ENO4: variants seen among roughly 807,000 people sequenced by gnomAD.
ENO4 encodes the protein enolase 4.
Under a neutral mutation model 63.2 loss-of-function variants are expected in ENO4, and 53 were observed. That is an observed-to-expected ratio of 0.84 (90% CI 0.67 to 1.05). The LOEUF is 1.05. ENO4 is among the 50% of genes least tolerant of loss of function. The pLI is 0.00. For missense variants in ENO4, 719 were observed against 772.0 expected (o/e 0.93, Z 0.81); for synonymous variants, 266 against 283.8 (o/e 0.94, Z 0.63).
At position 116,876,269 on chromosome 10, in the gene ENO4, A is replaced by C; in HGVS notation, c.1537+9A>C. ...AACCAATCTGATTGACAGTGAGTAA[A>C]AGCATACATCTGAAAGACTCGTAAT... On this transcript the variant is annotated intron_variant, in intron 11 of 13. Coordinates refer to ENST00000341276, the MANE Select transcript of ENO4 (RefSeq NM_001242699.2). The C allele has an allele frequency of 6.5e-7, 1 of 1,532,350 alleles. No individual in the cohort carries two copies. The highest frequency in any genetic ancestry group is 8.8e-7 in the Non-Finnish European group (1 of 1,138,828). 94.9% of individuals were successfully genotyped at this position (1,532,350 alleles called of 1,614,324 possible).
Position 116,871,294 on chromosome 10 carries a change from T to G in ENO4, c.1215+2T>G. On this transcript the variant is annotated splice_donor_variant, in intron 9 of 13. Transcript: ENST00000341276. LOFTEE classifies it high-confidence loss of function. ...GCTGGACATGAGCTGATGGACTACG[T>G]AAGTTTCCACTTCAGAACATTCACT... 1 of 1,549,160 alleles carries G rather than the reference T, an allele frequency of 6.5e-7. No individual in the cohort carries two copies. Among genetic ancestry groups the G allele is most frequent in the Non-Finnish European group, 8.7e-7 (1 of 1,146,198 alleles).
intron 10 of ENO4, among the ~76,000 whole-genome samples, chr10:116,908,456 T>C (rs1354046378): frequency 2.0e-5 from 3 of 152,140 alleles, no homozygotes; most frequent in African/African-American, 7.2e-5. Context: ...AATAGAACCA[T>C]AGCCACTTTA....
intron 7 of ENO4, among the ~76,000 whole-genome samples, chr10:116,867,994 GA>G (rs1461329260): frequency 6.6e-6 from 1 of 152,168 alleles, no homozygotes; most frequent in Non-Finnish European, 1.5e-5. Context: ...TCAGTTTACA[GA>G]ATCAGTACAC....
In ENO4 at chr10:116,908,580, C is replaced by A. The variant is rs1848066731; in HGVS notation, c.1195-2919C>A. On this transcript the variant is annotated intron_variant, in intron 10 of 10. Coordinates refer to the ENO4 transcript ENST00000369207. ...ATATTTGAAAAACACATGGTCATCA[C>A]TACTAAAATAAGTTGTAAAACTACT... 2.0e-5 allele frequency among the ~76,000 whole-genome samples: 3 copies of A among 152,290 alleles called. 1 individual carries two copies. The South Asian group carries it at 6.2e-4, about 32-fold the overall frequency.
At chr10:116,862,899 C>T in intron 7 of ENO4, 47 bp downstream of exon 7, 5 of 1,215,562 alleles carry the variant, frequency 4.1e-6, no homozygotes, top group Non-Finnish European at 5.9e-6. Flanking sequence ...ACTTAGACAC[C>T]TTCTAGCATG....
Position 116,871,249 on chromosome 10 carries a change from T to C in ENO4, c.1172T>C (p.Leu391Pro), listed in dbSNP as rs1433706369. The change falls in exon 9 of 14, where the codon CTG becomes CCG. Residue 391 changes from leucine (L) to proline (P), a missense_variant. Coordinates refer to ENST00000341276, the MANE Select transcript of ENO4 (RefSeq NM_001242699.2). Reference protein sequence around the residue: ...ANLGLELGTNLHLAINCAGHE... With the variant: ...ANLGLELGTNPHLAINCAGHE... Reference sequence around the variant, plus strand: ...CTGGGGCTAGAACTGGGAACAAATCTGCATCTAGCTATCAACTGTGCTGGA... The same window carrying C: ...CTGGGGCTAGAACTGGGAACAAATCCGCATCTAGCTATCAACTGTGCTGGA... 5.8e-6 allele frequency: 9 copies of C among 1,550,506 alleles called. No individual in the cohort carries two copies. Among genetic ancestry groups the C allele is most frequent in the Non-Finnish European group, 7.8e-6 (9 of 1,146,992 alleles).
intron 2 of ENO4, among the ~76,000 whole-genome samples, chr10:116,856,251 A>C (rs1391534017): frequency 1.3e-5 from 2 of 152,152 alleles, no homozygotes; most frequent in Non-Finnish European, 2.9e-5. Context: ...TATTTATTGG[A>C]GAGGTAGTGA....
At position 116,871,144 on chromosome 10, in the gene ENO4, T is replaced by C. The variant is rs1846684911; in HGVS notation, c.1067T>C (p.Met356Thr). 1.9e-6 allele frequency: 3 copies of C among 1,550,384 alleles called. No individual in the cohort carries two copies. Among genetic ancestry groups the C allele is most frequent in the Non-Finnish European group, 2.6e-6 (3 of 1,146,972 alleles). Residue 356 changes from methionine to threonine, a missense_variant, in exon 9 of 14, where the codon ATG (methionine) becomes ACG (threonine). Physicochemically the swap from Met to Thr is moderately conservative, Grantham distance 81. Transcript: ENST00000341276. ...KRGQQQITGKMSHLGCLTINC... is the reference protein window; with the variant it reads ...KRGQQQITGKTSHLGCLTINC... ...TTGCAGCAGCAGATCACTGGCAAGATGTCTCATCTTGGCTGTTTAACCATT... is the reference window on the plus strand; with the variant it reads ...TTGCAGCAGCAGATCACTGGCAAGACGTCTCATCTTGGCTGTTTAACCATT...
intron 11 of ENO4, among the ~76,000 whole-genome samples, chr10:116,877,270 A>T (rs753585702): frequency 6.6e-6 from 1 of 152,192 alleles, no homozygotes; most frequent in Non-Finnish European, 1.5e-5. Flanking sequence ...TAAGGAGTCA[A>T]CACCTTAACA....
intron 11 of ENO4, among the ~76,000 whole-genome samples, chr10:116,878,731 A>T (rs1170788409): frequency 6.9e-6 from 1 of 144,154 alleles, no homozygotes; most frequent in Non-Finnish European, 1.5e-5. Context: ...TGCATTTTAC[A>T]AATCATATAT....
At chr10:116,896,326 T>C (rs942755255) in intron 10 of ENO4, among the ~76,000 whole-genome samples, 1 of 152,172 alleles carries the variant, frequency 6.6e-6, no homozygotes, top group Middle Eastern at 3.2e-3. Flanking sequence ...TATTTATTGC[T>C]TGACTTATGT....
At chr10:116,900,901 A>G (rs189669440) in intron 10 of ENO4, 7 of 985,440 alleles carry the variant, frequency 7.1e-6, no homozygotes, top group Admixed American at 1.2e-4. Context: ...CAAGAGAGGA[A>G]GAAAATACCA....
At chr10:116,906,772 A>T in intron 10 of ENO4, 1 of 1,592,596 alleles carries the variant, frequency 6.3e-7, no homozygotes, top group Non-Finnish European at 8.6e-7. Context: ...AAACAAAAAC[A>T]AAAAGGTTAA....
intron 10 of ENO4, among the ~76,000 whole-genome samples, chr10:116,898,893 C>T (rs1383126886): frequency 1.3e-5 from 2 of 152,058 alleles, no homozygotes; most frequent in Admixed American, 6.5e-5. Flanking sequence ...ATATCTTTGA[C>T]TTTATAATTT....
chr10:116,879,354 A>AT lies in ENO4; in HGVS notation c.1604dup (p.Leu535PhefsTer19), dbSNP rs1224943287. 6.5e-7 allele frequency: 1 copy of AT among 1,549,526 alleles called. No individual in the cohort carries two copies. Among genetic ancestry groups the AT allele is most frequent in the South Asian group, 1.2e-5 (1 of 83,802 alleles). ...GAATCATCTGATGACAGCCTTGTCG[A>AT]TTTGGTAAGTGCTGAATGCTGGTCA... On this transcript the variant is annotated frameshift_variant, in exon 12 of 14. Coordinates refer to ENST00000341276, the MANE Select transcript of ENO4 (RefSeq NM_001242699.2). LOFTEE classifies it high-confidence loss of function.
rs549894136 is a variant in ENO4 at position 116,875,697 on chromosome 10, T to C, written c.1342-368T>C. Among the ~76,000 whole-genome samples the C allele has an allele frequency of 1.5e-4, 23 of 152,376 alleles. No individual in the cohort carries two copies. In the East Asian group the frequency reaches 4.4e-3, roughly 29 times the overall value. On this transcript the variant is annotated intron_variant, in intron 10 of 13. Transcript: ENST00000341276. ...ACTAGAGCCCTTGCAGGCTTTCTTT[T>C]TCCATTTTCTGTTTATCAGAAATAT... is the stretch of plus-strand genomic sequence containing the variant.
chr10:116,869,157 A>T (rs985157558), intron 8 of ENO4, among the ~76,000 whole-genome samples: 1 of 152,244 alleles, frequency 6.6e-6, no homozygotes, highest in African/African-American at 2.4e-5. Flanking sequence ...GAACCATTGC[A>T]GGAACTCCGA....
Position 116,874,193 on chromosome 10 carries a change from A to G in ENO4, c.1333A>G (p.Arg445Gly), listed in dbSNP as rs2133275055. ...AATTATTGCCTTAATTGATCCTTTC[A>G]GGAAGGAGGTAAGCACCCCACCTTC... ...PSIIALIDPFRKEDSEQWDSI... is the reference protein window; with the variant it reads ...PSIIALIDPFGKEDSEQWDSI... The change falls in exon 10 of 14, where the codon AGG becomes GGG. Residue 445 changes from arginine to glycine, a missense_variant. Around this residue, in one of 3 missense-constraint regions of ENO4, gnomAD observed 544 missense variants for 583.6 expected, o/e 0.93. Coordinates refer to ENST00000341276, the MANE Select transcript of ENO4 (RefSeq NM_001242699.2). 3 of 1,539,026 alleles carry G rather than the reference A, an allele frequency of 1.9e-6. No individual in the cohort carries two copies. The East Asian group carries it at 7.4e-5, about 38-fold the overall frequency.
At chr10:116,898,810 TTTAA>T (rs1847615687) in intron 10 of ENO4, among the ~76,000 whole-genome samples, 1 of 152,216 alleles carries the variant, frequency 6.6e-6, no homozygotes, top group Non-Finnish European at 1.5e-5. Context: ...GAATGTTAAT[TTTAA>T]TTAATCCTTA....
Sources: gnomAD v4.1 joint callset for allele counts (sites outside exome capture counted in the v4.1 genomes callset) on GRCh38, gnomAD v4.1.1 for gene constraint, gnomAD v4.1.1 regional missense constraint, MANE v1.5 for transcripts, NCBI Gene and HGNC (gene_info 2026-07-23, HGNC 2026-07-21) for gene names.